Variants in CADPS observed in about 807,000 individuals in gnomAD.
The protein encoded by CADPS is calcium dependent secretion activator, also known as calcium-dependent secretion activator 1.
Under a neutral mutation model 167.3 loss-of-function variants are expected in CADPS, and 57 were observed. The observed-to-expected ratio is 0.34, with a 90% CI of 0.28 to 0.42. CADPS has a LOEUF of 0.42. Ranked by LOEUF, CADPS falls within the 20% of genes least tolerant of loss-of-function variation. The probability of loss-of-function intolerance (pLI) is 1.00; values close to 1 mark genes in which losing one functional copy is unlikely to be tolerated. For missense variants in CADPS, 1,414 were observed against 1,738.1 expected, an observed-to-expected ratio of 0.81 and a Z score of 3.32; for synonymous variants, 676 against 635.3, an observed-to-expected ratio of 1.06 and a Z score of -0.96.
intron 3 of CADPS, among the ~76,000 whole-genome samples, chr3:62,746,352 GAC>G (rs946108270): frequency 3.3e-5 from 5 of 152,184 alleles, no homozygotes; most frequent in African/African-American, 7.2e-5. Context: ...GATTGATTGA[GAC>G]AGAGTCTCGC....
intron 17 of CADPS, among the ~76,000 whole-genome samples, chr3:62,509,602 G>T (rs2067355093): frequency 6.6e-6 from 1 of 152,166 alleles, no homozygotes; most frequent in African/African-American, 2.4e-5. Flanking sequence ...CCTTTGGATA[G>T]ATTTGACCTG....
At chr3:62,481,509 G>A (rs2062008162) in intron 22 of CADPS, among the ~76,000 whole-genome samples, 1 of 152,164 alleles carries the variant, frequency 6.6e-6, no homozygotes, top group South Asian at 2.1e-4. Context: ...CATTCAGTGG[G>A]CGTAAGACAA....
At chr3:62,435,425 T>C (rs1326571303) in intron 28 of CADPS, among the ~76,000 whole-genome samples, 3 of 152,210 alleles carry the variant, frequency 2.0e-5, no homozygotes, top group East Asian at 1.9e-4. Flanking sequence ...TGCTAGATTA[T>C]AGAAAAACAG....
At chr3:62,771,864 G>A (rs1361893781) in intron 1 of CADPS, among the ~76,000 whole-genome samples, 1 of 152,190 alleles carries the variant, frequency 6.6e-6, no homozygotes, top group African/African-American at 2.4e-5. Context: ...CTGGAGAAGT[G>A]TGAAATGTGA....
At chr3:62,518,799 TGTAA>T (rs901056341) in intron 13 of CADPS, among the ~76,000 whole-genome samples, 3 of 152,190 alleles carry the variant, frequency 2.0e-5, no homozygotes, top group Admixed American at 6.5e-5. Flanking sequence ...TCAGGTGACT[TGTAA>T]GTGTTTGTCT....
Position 62,772,681 on chromosome 3 carries a change from T to C in CADPS, c.442-6697A>G, listed in dbSNP as rs80007715. Among the ~76,000 whole-genome samples the C allele has an allele frequency of 8.6e-3, 1,311 of 152,316 alleles. 18 individuals carry two copies. Among genetic ancestry groups the C allele is most frequent in the African/African-American group, 0.03 (1,229 of 41,574 alleles). On this transcript the variant is annotated intron_variant, in intron 1 of 29. Coordinates refer to ENST00000383710, the MANE Select transcript of CADPS (RefSeq NM_003716.4). Reference sequence around the variant, plus strand: ...TTTCTCTTACTGGCAGCCAGATGCATTCCTAATGGATACACTTGGTTTACA... The same window carrying C: ...TTTCTCTTACTGGCAGCCAGATGCACTCCTAATGGATACACTTGGTTTACA...
chr3:62,826,765 A>C (rs971381916), intron 1 of CADPS, among the ~76,000 whole-genome samples: 1 of 152,076 alleles, frequency 6.6e-6, no homozygotes, highest in Non-Finnish European at 1.5e-5. Context: ...TGCTCTGGTA[A>C]TTAGTGGGCA....
At chr3:62,619,585 C>T (rs1003609191) in intron 6 of CADPS, among the ~76,000 whole-genome samples, 2 of 152,084 alleles carry the variant, frequency 1.3e-5, no homozygotes, top group Admixed American at 1.3e-4. Flanking sequence ...CACACTGTGG[C>T]TTAGAGGAGA....
rs1470971454 is a variant in CADPS, at chr3:62,481,832, T to C, written c.3064A>G (p.Asn1022Asp). ...TSNLPNVNLP[N>D]VNLPKVPNLP... Reference sequence around the variant, plus strand: ...TTTGGTACTTTGGGAAGGTTCACATTGGGTAGGTTCACATTGGGTAGGTTA... The same window carrying C: ...TTTGGTACTTTGGGAAGGTTCACATCGGGTAGGTTCACATTGGGTAGGTTA... Residue 1022 changes from asparagine to aspartate, a missense_variant, in exon 22 of 30, where the codon AAT (asparagine) becomes GAT (aspartate). Transcript: ENST00000383710. The C allele has an allele frequency of 1.9e-6, 3 of 1,611,454 alleles. No homozygotes were observed. The highest frequency in any genetic ancestry group is 2.2e-5 in the East Asian group (1 of 44,772).
At chr3:62,477,278 G>A (rs1028169358) in intron 23 of CADPS, among the ~76,000 whole-genome samples, 3 of 150,222 alleles carry the variant, frequency 2.0e-5, no homozygotes, top group African/African-American at 7.3e-5. Flanking sequence ...CACAACATCT[G>A]GAGATTTGGA....
chr3:62,677,891 A>G (rs1352029060), intron 3 of CADPS, among the ~76,000 whole-genome samples: 2 of 152,134 alleles, frequency 1.3e-5, no homozygotes, highest in Non-Finnish European at 2.9e-5. Flanking sequence ...GGTTTGCAAG[A>G]ACAATCCAGA....
chr3:62,799,535 C>T (rs1197484320), intron 1 of CADPS, among the ~76,000 whole-genome samples: 2 of 152,108 alleles, frequency 1.3e-5, no homozygotes, highest in Non-Finnish European at 2.9e-5. Context: ...TACATTTTGT[C>T]AAGCAGCAAG....
At chr3:62,800,612 T>C (rs1275583099) in intron 1 of CADPS, among the ~76,000 whole-genome samples, 1 of 152,180 alleles carries the variant, frequency 6.6e-6, no homozygotes, top group Non-Finnish European at 1.5e-5. Flanking sequence ...ATTTGCGTTA[T>C]CCTTGTTAAT....
intron 1 of CADPS, among the ~76,000 whole-genome samples, chr3:62,790,215 CAG>C (rs2092812993): frequency 6.6e-6 from 1 of 152,038 alleles, no homozygotes; most frequent in South Asian, 2.1e-4. Flanking sequence ...ATTATGGACA[CAG>C]AAAAAATAAG....
intron 1 of CADPS, among the ~76,000 whole-genome samples, chr3:62,782,288 C>T (rs1173984906): frequency 6.6e-6 from 1 of 152,194 alleles, no homozygotes; most frequent in Admixed American, 6.5e-5. Flanking sequence ...CTAATTCATC[C>T]ATCCAGCCAG....
chr3:62,673,452 A>T (rs886778316), intron 3 of CADPS, among the ~76,000 whole-genome samples: 2 of 152,228 alleles, frequency 1.3e-5, no homozygotes, highest in South Asian at 4.1e-4. Context: ...GGTGTGAACC[A>T]ATTAAACTCT....
intron 1 of CADPS, among the ~76,000 whole-genome samples, chr3:62,774,314 G>T (rs1006229976): frequency 2.0e-5 from 3 of 151,938 alleles, no homozygotes; most frequent in Non-Finnish European, 4.4e-5. Context: ...TTTCCAACTT[G>T]GAGGCACTCA....
chr3:62,844,817 G>A (rs1394711701), intron 1 of CADPS, among the ~76,000 whole-genome samples: 2 of 152,162 alleles, frequency 1.3e-5, no homozygotes, highest in African/African-American at 4.8e-5. Flanking sequence ...AGAGAAAGTT[G>A]TGGTCAAACT....
chr3:62,842,208 C>T (rs565690544), intron 1 of CADPS, among the ~76,000 whole-genome samples: 29 of 152,282 alleles, frequency 1.9e-4, no homozygotes, highest in Admixed American at 1.4e-3. Context: ...CCAGTGCCAA[C>T]GCTTTACGTA....
Sources: gnomAD v4.1 joint callset for allele counts (sites outside exome capture counted in the v4.1 genomes callset) on GRCh38, gnomAD v4.1.1 for gene constraint, MANE v1.5 for transcripts, NCBI Gene and HGNC (gene_info 2026-07-23, HGNC 2026-07-21) for gene names.